Variants in AKAP6 observed in about 807,000 individuals in gnomAD.
The protein encoded by AKAP6 is A-kinase anchor protein 6.
In AKAP6, 58 loss-of-function variants were observed where a neutral mutation model predicts 188.5. The observed-to-expected ratio is 0.31, with a 90% CI of 0.25 to 0.38. The LOEUF (loss-of-function observed/expected upper bound fraction) is 0.38. AKAP6 is among the 10% of genes least tolerant of loss of function. The pLI is 1.00. For synonymous variants in AKAP6, 989 were observed against 998.6 expected (o/e 0.99, Z 0.18); for missense variants, 2,710 against 2,740.0 (o/e 0.99, Z 0.24).
chr14:32,736,515 G>A (rs1237760095), intron 11 of AKAP6, among the ~76,000 whole-genome samples: 1 of 152,098 alleles, frequency 6.6e-6, no homozygotes, highest in African/African-American at 2.4e-5. Flanking sequence ...ACATTAGAAT[G>A]TTTTCCCCTA....
At chr14:32,532,945 A>C (rs1433870117) in intron 2 of AKAP6, among the ~76,000 whole-genome samples, 1 of 152,198 alleles carries the variant, frequency 6.6e-6, no homozygotes, top group East Asian at 1.9e-4. Context: ...GAGCACCTGT[A>C]GTGGGAGACA....
chr14:32,389,141 T>C (rs1040815839), intron 1 of AKAP6, among the ~76,000 whole-genome samples: 1 of 152,202 alleles, frequency 6.6e-6, no homozygotes, highest in Non-Finnish European at 1.5e-5. Context: ...GTTTGTTTTG[T>C]CTGATACAAG....
chr14:32,829,809 T>C (rs1484155567), intron 13 of AKAP6, 39 bp from the exon 14 acceptor site: 1 of 682,860 alleles, frequency 1.5e-6, no homozygotes, highest in Non-Finnish European at 2.7e-6. Context: ...AAAAATACAT[T>C]TCTGAAACCT....
intron 12 of AKAP6, among the ~76,000 whole-genome samples, chr14:32,806,693 A>G (rs1311217230): frequency 6.6e-6 from 1 of 152,006 alleles, no homozygotes; most frequent in Non-Finnish European, 1.5e-5. Context: ...CACACAAAAA[A>G]ACTCAGTGAA....
chr14:32,571,853 C>A (rs1277464944), intron 4 of AKAP6, among the ~76,000 whole-genome samples: 1 of 152,176 alleles, frequency 6.6e-6, no homozygotes, highest in East Asian at 1.9e-4. Flanking sequence ...AGAATGGGCT[C>A]ATTCAAGCAT....
At chr14:32,372,770 CTGTGTGTGTGTGTGTGTGTG>C (rs3031400) in intron 1 of AKAP6, among the ~76,000 whole-genome samples, 2 of 147,484 alleles carry the variant, frequency 1.4e-5, no homozygotes, top group African/African-American at 5.0e-5. Flanking sequence ...TTTTGTTGCT[CTGTGTGTGTGTGTGTGTGTG>C]TGTGTGTGTG....
intron 8 of AKAP6, chr14:32,693,394 T>G (rs1594854153): frequency 1.3e-5 from 2 of 152,210 alleles, no homozygotes; most frequent in East Asian, 3.8e-4. Flanking sequence ...TCTGTCAAGT[T>G]CACCAGCTGA....
chr14:32,462,900 G>GAAAA (rs1891378366), intron 2 of AKAP6, among the ~76,000 whole-genome samples: 3 of 7,042 alleles, frequency 4.3e-4, no homozygotes, highest in African/African-American at 2.4e-3. Context: ...CAAATGGAAA[G>GAAAA]CAAAAAAAAA....
At chr14:32,700,419 T>C (rs1025183740) in intron 9 of AKAP6, among the ~76,000 whole-genome samples, 5 of 152,150 alleles carry the variant, frequency 3.3e-5, no homozygotes, top group African/African-American at 1.2e-4. Context: ...AGTATGAAGC[T>C]CACTGAAACA....
At position 32,539,154 on chromosome 14, in the gene AKAP6, A is replaced by G. The variant is rs184842980; in HGVS notation, c.576+3349A>G. The stretch of plus-strand genomic sequence containing the variant: ...GTGCTGTTATCCTCAATTTACAGGT[A>G]TTATGATTGTATTCATCTTACAGAT... On this transcript the variant is annotated intron_variant, in intron 3 of 13. Transcript: ENST00000280979. Among the ~76,000 whole-genome samples the G allele has an allele frequency of 1.4e-4, 22 of 152,306 alleles. No individual in the cohort carries two copies. In the East Asian group the frequency reaches 1.9e-3, roughly 13 times the overall value.
chr14:32,718,933 T>G (rs1184934485), intron 9 of AKAP6, among the ~76,000 whole-genome samples: 1 of 152,202 alleles, frequency 6.6e-6, no homozygotes, highest in Non-Finnish European at 1.5e-5. Context: ...GAATGACATG[T>G]GGTCTCTGAC....
At chr14:32,811,222 G>C (rs1433054177) in intron 12 of AKAP6, among the ~76,000 whole-genome samples, 1 of 90,662 alleles carries the variant, frequency 1.1e-5, no homozygotes, top group Non-Finnish European at 2.2e-5. Flanking sequence ...CTGGGTGACA[G>C]AGCGAGACTC....
chr14:32,727,128 G>T (rs1330016235), intron 9 of AKAP6, among the ~76,000 whole-genome samples: 1 of 152,140 alleles, frequency 6.6e-6, no homozygotes, highest in Non-Finnish European at 1.5e-5. Context: ...TAATTTTACA[G>T]GGTATGATCA....
chr14:32,407,922 C>T (rs957801528), intron 1 of AKAP6, among the ~76,000 whole-genome samples: 1 of 152,194 alleles, frequency 6.6e-6, no homozygotes, highest in Non-Finnish European at 1.5e-5. Context: ...AAACATCCTA[C>T]GGCACAGCAA....
intron 7 of AKAP6, among the ~76,000 whole-genome samples, chr14:32,672,290 G>C (rs1028616623): frequency 1.2e-4 from 19 of 152,202 alleles, no homozygotes; most frequent in Non-Finnish European, 2.1e-4. Flanking sequence ...CAAAGCAATT[G>C]TATTAAATCT....
chr14:32,725,008 A>C (rs1444059740), intron 9 of AKAP6, among the ~76,000 whole-genome samples: 1 of 150,052 alleles, frequency 6.7e-6, no homozygotes, highest in Middle Eastern at 3.4e-3. Context: ...AAAAAAAAAA[A>C]AAAAAAAAAC....
At chr14:32,493,719 G>A (rs2138955908) in intron 2 of AKAP6, among the ~76,000 whole-genome samples, 1 of 152,284 alleles carries the variant, frequency 6.6e-6, no homozygotes, top group African/African-American at 2.4e-5. Flanking sequence ...AGCAAGCTAT[G>A]TGTGCTCCAT....
chr14:32,670,484 G>A (rs1351312575), intron 7 of AKAP6, among the ~76,000 whole-genome samples: 1 of 152,128 alleles, frequency 6.6e-6, no homozygotes, highest in Non-Finnish European at 1.5e-5. Context: ...TTTTTGTAAG[G>A]AAGCAAAGGA....
chr14:32,738,279 T>C (rs2031523275), intron 11 of AKAP6, among the ~76,000 whole-genome samples: 1 of 152,106 alleles, frequency 6.6e-6, no homozygotes, highest in Non-Finnish European at 1.5e-5. Flanking sequence ...CATATGTTCC[T>C]TGTATCCCAT....
Sources: gnomAD v4.1 joint callset for allele counts (sites outside exome capture counted in the v4.1 genomes callset) on GRCh38, gnomAD v4.1.1 for gene constraint, MANE v1.5 for transcripts, NCBI Gene and HGNC (gene_info 2026-07-23, HGNC 2026-07-21) for gene names.